RELB: variants seen among roughly 807,000 people sequenced by gnomAD.
RELB encodes RELB proto-oncogene, NF-kB subunit.
A neutral mutation model predicts 55.4 loss-of-function variants in RELB; 14 were observed. The ratio of observed to expected loss-of-function variants is 0.25; its 90% confidence interval spans 0.17 to 0.40. The LOEUF is 0.40. Among genes scored for constraint, RELB ranks in the 10% least tolerant of loss-of-function variants. RELB has a pLI of 1.00. For missense variants in RELB, 669 were observed against 830.7 expected (o/e 0.81, Z 2.39); for synonymous variants, 409 against 371.3 (o/e 1.10, Z -1.17).
chr19:45,037,321 G>A, intron 11 of RELB, 84 bp from the exon 12 acceptor site: 19 of 1,304,674 alleles, frequency 1.5e-5, no homozygotes, highest in Non-Finnish European at 1.9e-5. Flanking sequence ...ATCACATTTT[G>A]CAGGGAGTAG....
chr19:45,031,615 C>A (rs957364421), intron 8 of RELB, among the ~76,000 whole-genome samples: 1 of 151,760 alleles, frequency 6.6e-6, no homozygotes, highest in Non-Finnish European at 1.5e-5. Flanking sequence ...TTGCTCTGTC[C>A]CCCAGGCTGG....
At chr19:45,002,784 A>G (rs1971229852) in intron 1 of RELB, among the ~76,000 whole-genome samples, 165 bp from the exon 2 acceptor site, 1 of 152,094 alleles carries the variant, frequency 6.6e-6, no homozygotes, top group Admixed American at 6.6e-5. Context: ...GGACCTGTCC[A>G]TGATTTAGCT....
At chr19:45,032,008 C>T (rs532140300) in intron 8 of RELB, among the ~76,000 whole-genome samples, 71 of 151,456 alleles carry the variant, frequency 4.7e-4, no homozygotes, top group African/African-American at 1.5e-3. Flanking sequence ...GAGGCCAAGG[C>T]GGGCAGATCA....
At chr19:45,003,191 G>A (rs1971235947) in intron 2 of RELB, among the ~76,000 whole-genome samples, 195 bp downstream of exon 2, 1 of 152,006 alleles carries the variant, frequency 6.6e-6, no homozygotes, top group African/African-American at 2.4e-5. Flanking sequence ...GTGACAGGTG[G>A]CCGGGCGCGG....
rs546517243 is a variant in RELB at position 45,021,335 on chromosome 19, A to G, written c.505-718A>G. 5.8e-3 allele frequency among the ~76,000 whole-genome samples: 884 copies of G among 151,416 alleles called. 5 individuals carry two copies. The highest frequency in any genetic ancestry group is 0.01 in the Non-Finnish European group (703 of 67,880). ...AAAGATAGAAAAAAATTAGCCGGGC[A>G]TGGTGGTGGGCACTTGTAGTCTCAG... On this transcript the variant is annotated intron_variant, in intron 4 of 11. Transcript: ENST00000221452.
intron 8 of RELB, among the ~76,000 whole-genome samples, chr19:45,029,305 A>G (rs1034931245): frequency 3.3e-5 from 5 of 152,166 alleles, no homozygotes; most frequent in African/African-American, 1.2e-4. Flanking sequence ...AATTGCATAA[A>G]TGAACGCTTT....
In RELB at chr19:45,032,664, C is replaced by G. The variant is rs771520600; in HGVS notation, c.1122C>G (p.Pro374=). 27 of 1,611,828 alleles carry G rather than the reference C, an allele frequency of 1.7e-5. No individual in the cohort carries two copies. In the South Asian group the frequency reaches 2.8e-4, roughly 16 times the overall value. ...ACGAGGACCTGGAGATTGTCGAGCC[C>G]GTGACAGTCAACGTCTTCCTGCAGC... ...PPYEDLEIVE[P]VTVNVFLQRL... is the part of the protein sequence containing the mutation. The change falls in exon 9 of 12, where the codon CCC becomes CCG. Residue 374 remains proline, a synonymous_variant. Coordinates refer to ENST00000221452, the MANE Select transcript of RELB (RefSeq NM_006509.4).
intron 4 of RELB, among the ~76,000 whole-genome samples, chr19:45,018,127 G>A (rs951676967): frequency 2.0e-5 from 3 of 151,486 alleles, no homozygotes; most frequent in Non-Finnish European, 2.9e-5. Flanking sequence ...ATTCTTGGCC[G>A]AGCGTGGTGG....
chr19:45,021,138 C>T (rs547736346), intron 4 of RELB, among the ~76,000 whole-genome samples: 19 of 151,354 alleles, frequency 1.3e-4, no homozygotes, highest in African/African-American at 4.1e-4. Flanking sequence ...CTCCCGCCAC[C>T]GCACTCTAGC....
chr19:45,032,818 TG>T (rs1971641948), intron 9 of RELB, 69 bp downstream of exon 9: 4 of 1,324,422 alleles, frequency 3.0e-6, no homozygotes, highest in Non-Finnish European at 4.2e-6. Flanking sequence ...GAGACCCCAG[TG>T]GGGATGGGAA....
chr19:45,026,258 T>C (rs1363137960), intron 7 of RELB, among the ~76,000 whole-genome samples: 1 of 150,334 alleles, frequency 6.7e-6, no homozygotes, highest in Admixed American at 6.6e-5. Context: ...AAAAAATTAG[T>C]TGGGCATGGT....
intron 4 of RELB, among the ~76,000 whole-genome samples, chr19:45,014,030 A>C (rs138456234): frequency 8.5e-5 from 13 of 152,226 alleles, no homozygotes; most frequent in African/African-American, 3.1e-4. Context: ...CCTCCAGCTA[A>C]TGTGGTGACT....
chr19:45,012,305 T>A, intron 4 of RELB, 29 bp downstream of exon 4: 5 of 1,338,064 alleles, frequency 3.7e-6, no homozygotes, highest in Non-Finnish European at 4.8e-6. Flanking sequence ...CCCGGGCGGG[T>A]GGGACTGGGG....
chr19:45,035,518 A>AAACAAC (rs545018482), intron 11 of RELB, among the ~76,000 whole-genome samples: 15 of 151,496 alleles, frequency 9.9e-5, no homozygotes, highest in Non-Finnish European at 2.1e-4. Flanking sequence ...ACCCTTCTCA[A>AAACAAC]AACAACAACA....
Position 45,013,197 on chromosome 19 carries a change from A to G in RELB, c.504+921A>G, listed in dbSNP as rs372507834. Among the ~76,000 whole-genome samples the G allele has an allele frequency of 4.2e-4, 64 of 151,834 alleles. No individual in the cohort carries two copies. The South Asian group carries it at 0.013, about 31-fold the overall frequency. Reference sequence around the variant, plus strand: ...TGGTCTGTTGCCCAGGCTGGAGTGCAGTGGTGTGATCTCGCCTCACTGCAA... The same window carrying G: ...TGGTCTGTTGCCCAGGCTGGAGTGCGGTGGTGTGATCTCGCCTCACTGCAA... On this transcript the variant is annotated intron_variant, in intron 4 of 11. Transcript: ENST00000221452.
intron 2 of RELB, among the ~76,000 whole-genome samples, chr19:45,007,968 A>G (rs929493026): frequency 6.7e-6 from 1 of 148,326 alleles, no homozygotes; most frequent in Non-Finnish European, 1.5e-5. Context: ...TAGCCTGACT[A>G]ACATAGTAAA....
intron 4 of RELB, among the ~76,000 whole-genome samples, chr19:45,020,831 A>G (rs1164357947): frequency 6.6e-6 from 1 of 151,866 alleles, no homozygotes; most frequent in Non-Finnish European, 1.5e-5. Context: ...TGCTGGGATT[A>G]CAGGCGTGAG....
In RELB at chr19:45,018,978, A is replaced by G. The variant is rs139586761; in HGVS notation, c.505-3075A>G. 3.2e-3 allele frequency among the ~76,000 whole-genome samples: 493 copies of G among 152,200 alleles called. 4 individuals are homozygous for G. The highest frequency in any genetic ancestry group is 0.021 in the South Asian group (102 of 4,826). On this transcript the variant is annotated intron_variant, in intron 4 of 11. Coordinates refer to ENST00000221452, the MANE Select transcript of RELB (RefSeq NM_006509.4). ...GGCTGAAAGCTAGTGCCTTTCATCT[A>G]TATTCACCAGTTGACATTTTGCCAC...
chr19:45,011,650 T>C (rs914509368), intron 3 of RELB, among the ~76,000 whole-genome samples: 3 of 151,848 alleles, frequency 2.0e-5, no homozygotes, highest in Non-Finnish European at 1.5e-5. Flanking sequence ...TTTCACTATG[T>C]TGGCCAGGCT....
Sources: allele counts gnomAD v4.1 joint callset (sites outside exome capture counted in the v4.1 genomes callset), GRCh38; gene constraint gnomAD v4.1.1; transcripts MANE v1.5; gene names NCBI Gene and HGNC (gene_info 2026-07-23, HGNC 2026-07-21).